Variants in ARSG observed in about 807,000 individuals in gnomAD.
The protein encoded by ARSG is ASG.
In ARSG, 37 loss-of-function variants were observed where a neutral mutation model predicts 50.5. The observed-to-expected ratio is 0.73, with a 90% CI of 0.56 to 0.96. The LOEUF is 0.96. ARSG is among the 50% of genes least tolerant of loss of function. ARSG has a pLI of 0.00. For synonymous variants in ARSG, 225 were observed against 254.6 expected, an observed-to-expected ratio of 0.88 and a Z score of 1.11; for missense variants, 629 against 675.3, an observed-to-expected ratio of 0.93 and a Z score of 0.76.
chr17:68,371,705 A>C (rs989274189), intron 8 of ARSG, among the ~76,000 whole-genome samples: 11 of 152,344 alleles, frequency 7.2e-5, no homozygotes, highest in African/African-American at 2.6e-4. Context: ...TGCTCATTGC[A>C]GTGAATTTTT....
chr17:68,398,618 A>G (rs1045814274), intron 10 of ARSG, among the ~76,000 whole-genome samples: 1 of 152,240 alleles, frequency 6.6e-6, no homozygotes, highest in Non-Finnish European at 1.5e-5. Context: ...AACTGGGAAC[A>G]ATATGCCAAT....
chr17:68,430,405 C>T, the ARSG span, among the ~76,000 whole-genome samples: 1 of 152,222 alleles, frequency 6.6e-6, no homozygotes, highest in Non-Finnish European at 1.5e-5. Flanking sequence ...CCCAATGCTA[C>T]TGCTTTCCCC....
chr17:68,396,109 A>G (rs915836916), intron 10 of ARSG, among the ~76,000 whole-genome samples: 37 of 151,782 alleles, frequency 2.4e-4, no homozygotes, highest in African/African-American at 8.0e-4. Context: ...CCTGGGTTCA[A>G]GCGATTCTGC....
intron 5 of ARSG, among the ~76,000 whole-genome samples, chr17:68,352,147 G>C (rs879919781): frequency 0.28 from 36,631 of 128,918 alleles, 7,838 homozygotes; most frequent in Middle Eastern, 0.4. Flanking sequence ...ACAGAGGAGA[G>C]AGAGAGAGAG....
intron 2 of ARSG, among the ~76,000 whole-genome samples, chr17:68,317,960 G>A (rs80240839): frequency 8.5e-5 from 13 of 152,112 alleles, no homozygotes; most frequent in Admixed American, 7.2e-4. Flanking sequence ...TTAGCCGGGC[G>A]TGGTGGCGGG....
chr17:68,435,665 G>A, the ARSG span: 7 of 1,614,252 alleles, frequency 4.3e-6, no homozygotes, highest in Non-Finnish European at 5.1e-6. Flanking sequence ...CATTGAAGGT[G>A]ATGGCAGCTA....
At chr17:68,428,713 A>C in the ARSG span, 1 of 771,158 alleles carries the variant, frequency 1.3e-6, no homozygotes, top group Non-Finnish European at 2.1e-6. Flanking sequence ...TGCCACTGAG[A>C]CTGCCAGTGA....
intron 5 of ARSG, among the ~76,000 whole-genome samples, chr17:68,354,786 G>C (rs192946716): frequency 6.6e-6 from 1 of 151,920 alleles, no homozygotes; most frequent in African/African-American, 2.4e-5. Context: ...CAGGGACTAA[G>C]ATGGGAGTTT....
chr17:68,403,606 G>C (rs2081575279), intron 11 of ARSG, among the ~76,000 whole-genome samples: 1 of 152,242 alleles, frequency 6.6e-6, no homozygotes, highest in African/African-American at 2.4e-5. Context: ...GTTCGTCTAT[G>C]ATGAGGATAT....
In ARSG at chr17:68,401,631, T is replaced by G. The variant is rs77914376; in HGVS notation, c.1303+181T>G. On this transcript the variant is annotated intron_variant, in intron 11 of 11. Transcript: ENST00000621439. ...CTGCACAGGCTCTCTGGATCCCTCA[T>G]ATGCAAATAAGATCTTTGTGCTGTT... 0.028 allele frequency among the ~76,000 whole-genome samples: 4,225 copies of G among 152,302 alleles called. 209 individuals are homozygous for G. Among genetic ancestry groups the G allele is most frequent in the African/African-American group, 0.096 (3,993 of 41,548 alleles).
chr17:68,313,529 C>A (rs150816554), intron 2 of ARSG, among the ~76,000 whole-genome samples: 32 of 152,278 alleles, frequency 2.1e-4, no homozygotes, highest in African/African-American at 7.5e-4. Context: ...TGAAGGCCCA[C>A]CCTACTCCAG....
Position 68,263,646 on chromosome 17 carries a change from C to T in ARSG, c.-552+4220C>T, listed in dbSNP as rs145888075. Among the ~76,000 whole-genome samples the T allele has an allele frequency of 1.1e-3, 163 of 151,848 alleles. 3 individuals carry two copies. In the East Asian group the frequency reaches 0.027, roughly 26 times the overall value. ...CACCACACCTGGCTAATTTTGGTTT[C>T]GCCATGTGGCCCAGGCTGGTCTTGA... On this transcript the variant is annotated intron_variant, in intron 1 of 11. Coordinates refer to the ARSG transcript ENST00000448504.
chr17:68,437,947 T>TAAAAAAAAAACAAAAAAAAAAAAAAAA, the ARSG span, among the ~76,000 whole-genome samples: 1 of 58,786 alleles, frequency 1.7e-5, no homozygotes. Context: ...GACATCTCTC[T>TAAAAAAAAAACAAAAAAAAAAAAAAAA]TAAAAAAAAA....
intron 8 of ARSG, among the ~76,000 whole-genome samples, chr17:68,371,447 T>A (rs2079843144): frequency 6.6e-6 from 1 of 152,000 alleles, no homozygotes; most frequent in Admixed American, 6.6e-5. Context: ...TGTTGTACCA[T>A]AATGCTTCTC....
intron 11 of ARSG, among the ~76,000 whole-genome samples, chr17:68,403,891 A>G (rs1163649455): frequency 1.3e-5 from 2 of 149,548 alleles, no homozygotes; most frequent in African/African-American, 4.9e-5. Context: ...CCGGTGTGTG[A>G]TGTTCCCCTT....
At chr17:68,327,381 G>A (rs1030920615) in intron 2 of ARSG, among the ~76,000 whole-genome samples, 4 of 152,130 alleles carry the variant, frequency 2.6e-5, no homozygotes, top group Non-Finnish European at 5.9e-5. Flanking sequence ...CAAGATCAAG[G>A]TGTTGGCAGA....
rs374700339 is a variant in ARSG at position 68,307,568 on chromosome 17, T to C, written c.75T>C (p.Phe25=). ...FSGFLYPLVD[F]CISGKTRGQK... is the part of the protein sequence containing the mutation. ...GATTTCTTTATCCTCTTGTGGATTT[T>C]TGCATCAGTGGGAAAACAAGAGGAC... The change falls in exon 2 of 12, where the codon TTT becomes TTC. Residue 25 remains phenylalanine (F), a synonymous_variant. Transcript: ENST00000621439. The C allele has an allele frequency of 2.5e-6, 4 of 1,614,082 alleles. No homozygotes were observed. Among genetic ancestry groups the C allele is most frequent in the Non-Finnish European group, 1.7e-6 (2 of 1,180,036 alleles).
At chr17:68,303,660 G>A (rs1301009135) in intron 1 of ARSG, among the ~76,000 whole-genome samples, 1 of 152,010 alleles carries the variant, frequency 6.6e-6, no homozygotes, top group African/African-American at 2.4e-5. Context: ...ATGTTGACCA[G>A]GCTGGTCTTG....
At chr17:68,328,969 T>C (rs2077614576) in intron 2 of ARSG, among the ~76,000 whole-genome samples, 1 of 152,172 alleles carries the variant, frequency 6.6e-6, no homozygotes, top group Admixed American at 6.5e-5. Flanking sequence ...ATACCTCTGC[T>C]CTTGTGGAAC....
Sources: gnomAD v4.1 joint callset for allele counts (sites outside exome capture counted in the v4.1 genomes callset) on GRCh38, gnomAD v4.1.1 for gene constraint, MANE v1.5 for transcripts, NCBI Gene and HGNC (gene_info 2026-07-23, HGNC 2026-07-21) for gene names.